DCST1: variants seen among roughly 807,000 people sequenced by gnomAD.
DCST1 encodes E3 ubiquitin-protein ligase DCST1.
DCST1 carries 78 observed loss-of-function variants against 89.1 expected under a neutral mutation model. That is an observed-to-expected ratio of 0.88 (90% confidence interval 0.73 to 1.06). The LOEUF (loss-of-function observed/expected upper bound fraction) is 1.06. DCST1 is among the 50% of genes least tolerant of loss of function. The probability of loss-of-function intolerance (pLI) is 0.00; values close to 1 mark genes in which losing one functional copy is unlikely to be tolerated. For missense variants in DCST1, 900 were observed against 928.6 expected, an observed-to-expected ratio of 0.97 and a Z score of 0.40; for synonymous variants, 364 against 371.9, an observed-to-expected ratio of 0.98 and a Z score of 0.24.
intron 4 of DCST1, among the ~76,000 whole-genome samples, chr1:155,037,911 AC>A (rs1198909989): frequency 6.6e-6 from 1 of 152,260 alleles, no homozygotes; most frequent in African/African-American, 2.4e-5. Flanking sequence ...GAAGGCCAAG[AC>A]CACAGAACTA....
rs1228233395 is a variant in DCST1 at position 155,050,712 on chromosome 1, C to T, written c.1965C>T (p.Pro655=). Residue 655 remains proline (P), a synonymous_variant, in exon 17 of 17, where the codon CCC becomes CCT. Transcript: ENST00000295542. ...RCVVCQAPET[P]ESYVCRTLDC... ...TGGTGTGCCAGGCACCCGAGACGCCCGAGTCCTACGTGTGCCGGACGCTGG... is the reference window on the plus strand; with the variant it reads ...TGGTGTGCCAGGCACCCGAGACGCCTGAGTCCTACGTGTGCCGGACGCTGG... 1 of 1,608,342 alleles carries T rather than the reference C, an allele frequency of 6.2e-7. No individual in the cohort carries two copies. Among genetic ancestry groups the T allele is most frequent in the South Asian group, 1.1e-5 (1 of 90,352 alleles).
intron 4 of DCST1, 43 bp downstream of exon 4, chr1:155,034,770 G>A: frequency 6.2e-7 from 1 of 1,607,428 alleles, no homozygotes; most frequent in Non-Finnish European, 8.5e-7. Context: ...GCGGCCTGTG[G>A]AACACAGCGC....
At chr1:155,049,467 T>G (rs976324260) in intron 16 of DCST1, among the ~76,000 whole-genome samples, 2 of 150,920 alleles carry the variant, frequency 1.3e-5, no homozygotes, top group Admixed American at 6.6e-5. Flanking sequence ...CAGGCTGGAG[T>G]GCAGTGGCGT....
In DCST1 at chr1:155,050,834, G is replaced by A. The variant is rs1660921831; in HGVS notation, c.2087G>A (p.Ser696Asn). Residue 696 changes from serine (S) to asparagine (N), a missense_variant, in exon 17 of 17, where the codon AGT (serine) becomes AAT (asparagine). Physicochemically the swap from Ser to Asn is conservative, Grantham distance 46 (BLOSUM62 1). Transcript: ENST00000295542. ...GAAGAGCTCTCTTCCTCCGCCTTTA[G>A]TGACAGCAACGACGACACTGCCTAC... is the stretch of plus-strand genomic sequence containing the variant. ...PREELSSSAF[S>N]DSNDDTAYAG 8.7e-6 allele frequency: 14 copies of A among 1,612,788 alleles called. No individual in the cohort carries two copies. The highest frequency in any genetic ancestry group is 1.1e-5 in the Non-Finnish European group (13 of 1,179,480).
chr1:155,039,604 G>A (rs1250145951), intron 5 of DCST1, 73 bp downstream of exon 5: 17 of 1,453,570 alleles, frequency 1.2e-5, no homozygotes, highest in Middle Eastern at 4.3e-4. Context: ...GAGCCAGGCC[G>A]GGTGAAGGAG....
chr1:155,045,699 C>T, intron 10 of DCST1, 194 bp from the exon 11 acceptor site: 1 of 601,542 alleles, frequency 1.7e-6, no homozygotes, highest in Non-Finnish European at 3.0e-6. Context: ...GGATGTCTTC[C>T]TCTACACAAT....
intron 4 of DCST1, among the ~76,000 whole-genome samples, chr1:155,037,822 C>A (rs1315673786): frequency 6.6e-6 from 1 of 152,182 alleles, no homozygotes; most frequent in Non-Finnish European, 1.5e-5. Flanking sequence ...AAAGAAGACA[C>A]CCATAGCTCC....
In DCST1 at chr1:155,038,888, A is replaced by T. The variant is rs573840182; in HGVS notation, c.263-515A>T. ...GTCTCCTTGCAGAGACCACAGGGAGACACATGTGAAACTGCTAAAACATAC... is the reference window on the plus strand; with the variant it reads ...GTCTCCTTGCAGAGACCACAGGGAGTCACATGTGAAACTGCTAAAACATAC... On this transcript the variant is annotated intron_variant, in intron 4 of 16. Transcript: ENST00000295542. 7.2e-5 allele frequency among the ~76,000 whole-genome samples: 11 copies of T among 152,310 alleles called. No homozygotes were observed. In the South Asian group the frequency reaches 2.3e-3, roughly 32 times the overall value.
rs1660469254 is a variant in DCST1, at chr1:155,042,611, T to C, written c.893-124T>C. 2.3e-6 allele frequency: 3 copies of C among 1,332,394 alleles called. No individual in the cohort carries two copies. In the East Asian group the frequency reaches 7.0e-5, roughly 31 times the overall value. The allele number at this position is 1,332,394 out of a possible 1,614,324, so 82.5% of individuals were successfully genotyped here. ...AGGGGAAGACTCAGCATTGGTGTGG[T>C]AGCAAGCCATGGGCAGAGAGACAAA... On this transcript the variant is annotated intron_variant, in intron 8 of 16. Coordinates refer to ENST00000295542, the MANE Select transcript of DCST1 (RefSeq NM_152494.4).
rs561140748 is a variant in DCST1, at chr1:155,040,068, C to T, written c.392-417C>T. On this transcript the variant is annotated intron_variant, in intron 5 of 16. Coordinates refer to ENST00000295542, the MANE Select transcript of DCST1 (RefSeq NM_152494.4). ...CTGTAATCCCAGAACTGTGGGAGGC[C>T]GAAGCGGGCGGATCACGAAGTCAGG... Among the ~76,000 whole-genome samples the T allele has an allele frequency of 4.3e-4, 62 of 145,694 alleles. 1 individual carries two copies. Among genetic ancestry groups the T allele is most frequent in the Admixed American group, 3.8e-3 (55 of 14,312 alleles).
chr1:155,046,281 A>G, intron 12 of DCST1, 61 bp downstream of exon 12: 3 of 1,613,970 alleles, frequency 1.9e-6, no homozygotes, highest in Non-Finnish European at 2.5e-6. Flanking sequence ...GTGAGGGTGG[A>G]GGGTAAAAGG....
intron 12 of DCST1, 66 bp from the exon 13 acceptor site, chr1:155,046,294 C>A (rs1342351672): frequency 7.4e-6 from 12 of 1,613,924 alleles, no homozygotes; most frequent in African/African-American, 1.3e-5. Flanking sequence ...GTAAAAGGCA[C>A]CAGAGAGTGC....
chr1:155,043,222 C>A, intron 9 of DCST1, 130 bp from the exon 10 acceptor site: 2 of 1,336,342 alleles, frequency 1.5e-6, no homozygotes, highest in Non-Finnish European at 1.0e-6. Flanking sequence ...AAGGAAGTGA[C>A]AACTCCTAGA....
chr1:155,045,895 C>T lies in DCST1; in HGVS notation c.1175C>T (p.Ser392Phe), dbSNP rs753248111. The T allele has an allele frequency of 1.9e-6, 3 of 1,613,502 alleles. No homozygotes were observed. Among genetic ancestry groups the T allele is most frequent in the Non-Finnish European group, 2.5e-6 (3 of 1,179,506 alleles). Residue 392 changes from serine to phenylalanine, a missense_variant and splice_region_variant, in exon 11 of 17, where the codon TCT (serine) becomes TTT (phenylalanine). Physicochemically the swap from Ser to Phe is radical, Grantham distance 155. Coordinates refer to ENST00000295542, the MANE Select transcript of DCST1 (RefSeq NM_152494.4). ...SCTFLLVLHA[S>F]FSYMDSYNHD... ...CATCCCTGCCCATCCACCCACAGGT[C>T]TTTCTCCTACATGGACAGCTATAAC...
chr1:155,034,438 T>G lies in DCST1; in HGVS notation c.65T>G (p.Val22Gly), dbSNP rs1189095628. ...GQRRKQPHTT[V>G]QRLLTWGLPV... ...AGCTACCCTGTCCCCCTCTTAGCGG[T>G]GCAGAGGCTCCTGACCTGGGGGCTG... Residue 22 changes from valine to glycine, a missense_variant, in exon 3 of 17, where the codon GTG becomes GGG. By Grantham distance (109) the Val-to-Gly change is moderately radical. Coordinates refer to ENST00000295542, the MANE Select transcript of DCST1 (RefSeq NM_152494.4). The G allele has an allele frequency of 6.2e-7, 1 of 1,613,880 alleles. No homozygotes were observed. The highest frequency in any genetic ancestry group is 1.3e-5 in the African/African-American group (1 of 74,906).
At chr1:155,039,990 CAAAAAAAAAAAAAAA>C (rs55764638) in intron 5 of DCST1, among the ~76,000 whole-genome samples, 9 of 13,394 alleles carry the variant, frequency 6.7e-4, no homozygotes, top group South Asian at 7.6e-3. Flanking sequence ...GACTCCGTCT[CAAAAAAAAAAAAAAA>C]AAAAAAAAAA....
chr1:155,046,563 A>G, intron 13 of DCST1, 77 bp downstream of exon 13: 4 of 1,253,742 alleles, frequency 3.2e-6, no homozygotes, highest in Non-Finnish European at 4.3e-6. Context: ...CAGCCACCCC[A>G]CCCTAGTTCT....
At chr1:155,048,892 G>A in intron 16 of DCST1, 4 of 635,008 alleles carry the variant, frequency 6.3e-6, no homozygotes, top group Non-Finnish European at 1.2e-5. Flanking sequence ...TGGGCTGGGA[G>A]TCAGGAAGGC....
chr1:155,034,300 T>C, intron 2 of DCST1, 135 bp from the exon 3 acceptor site: 1 of 1,597,740 alleles, frequency 6.3e-7, no homozygotes, highest in South Asian at 1.1e-5. Flanking sequence ...CTCATCCTCC[T>C]CCAGGGTCCC....
Sources: allele counts gnomAD v4.1 joint callset (sites outside exome capture counted in the v4.1 genomes callset), GRCh38; gene constraint gnomAD v4.1.1; transcripts MANE v1.5; gene names NCBI Gene and HGNC (gene_info 2026-07-23, HGNC 2026-07-21).